The following MTUS2 variants were observed in gnomAD, a reference collection of about 807,000 sequenced individuals.
The protein encoded by MTUS2 is microtubule-associated tumor suppressor candidate 2.
A neutral mutation model predicts 114.1 loss-of-function variants in MTUS2; 40 were observed. That is an observed-to-expected ratio of 0.35 (90% confidence interval 0.27 to 0.46). The LOEUF is 0.46. Among genes scored for constraint, MTUS2 ranks in the 20% least tolerant of loss-of-function variants. The probability of loss-of-function intolerance (pLI) is 1.00; values close to 1 mark genes in which losing one functional copy is unlikely to be tolerated. For synonymous variants in MTUS2, 688 were observed against 672.0 expected, an observed-to-expected ratio of 1.02 and a Z score of -0.37; for missense variants, 1,679 against 1,705.4, an observed-to-expected ratio of 0.98 and a Z score of 0.27.
At chr13:29,306,431 T>A (rs980812934) in intron 6 of MTUS2, among the ~76,000 whole-genome samples, 18 of 152,160 alleles carry the variant, frequency 1.2e-4, no homozygotes, top group African/African-American at 4.1e-4. Flanking sequence ...ATAAGCCACT[T>A]CAGCAAAGTC....
chr13:28,921,660 A>C (rs1245336721), intron 2 of MTUS2, among the ~76,000 whole-genome samples: 1 of 152,124 alleles, frequency 6.6e-6, no homozygotes, highest in Non-Finnish European at 1.5e-5. Context: ...ACCTTAGAGC[A>C]TTTTGGCCTG....
At chr13:29,092,446 C>CTTGA (rs1432953850) in intron 4 of MTUS2, among the ~76,000 whole-genome samples, 1 of 152,214 alleles carries the variant, frequency 6.6e-6, no homozygotes, top group Non-Finnish European at 1.5e-5. Context: ...GTAGGGACCA[C>CTTGA]CCTCGCATCC....
chr13:29,019,466 C>T (rs1368258208), intron 2 of MTUS2, among the ~76,000 whole-genome samples: 4 of 152,062 alleles, frequency 2.6e-5, no homozygotes, highest in African/African-American at 4.8e-5. Flanking sequence ...CAGATATTTT[C>T]GATGAAAAAT....
intron 2 of MTUS2, among the ~76,000 whole-genome samples, chr13:29,022,085 GATCATGCAAAC>G (rs1459128226): frequency 1.3e-5 from 2 of 152,172 alleles, no homozygotes; most frequent in Non-Finnish European, 2.9e-5. Flanking sequence ...ATTTTCCCAT[GATCATGCAAAC>G]ATGGGGAAAG....
chr13:29,406,211 A>T (rs1025331796), intron 8 of MTUS2, among the ~76,000 whole-genome samples: 1 of 152,120 alleles, frequency 6.6e-6, no homozygotes, highest in African/African-American at 2.4e-5. Flanking sequence ...TTGTTGCATA[A>T]CAAATTACCC....
chr13:29,353,902 A>T (rs530419897), intron 7 of MTUS2, among the ~76,000 whole-genome samples: 255 of 152,266 alleles, frequency 1.7e-3, no homozygotes, highest in African/African-American at 5.8e-3. Context: ...CTCTCTCCAC[A>T]GGCAGGTATG....
chr13:29,336,769 T>C (rs1901085834), intron 7 of MTUS2, among the ~76,000 whole-genome samples: 1 of 152,132 alleles, frequency 6.6e-6, no homozygotes, highest in Non-Finnish European at 1.5e-5. Flanking sequence ...AGATGCTCTG[T>C]TTCAAGGAGA....
In MTUS2 at chr13:29,034,144, TCTGCCTTTTC is replaced by T; in HGVS notation, c.2446+24_2446+33del. The stretch of plus-strand genomic sequence containing the variant: ...CCTTCAGGTAACCGATCCAACAGTT[TCTGCCTTTTC>T]CTGCTGTACGTTTAGATAGTCATCA... On this transcript the variant is annotated intron_variant, in intron 4 of 15. Transcript: ENST00000612955. 1 of 1,613,328 alleles carries T rather than the reference TCTGCCTTTTC, an allele frequency of 6.2e-7. No individual in the cohort carries two copies. The highest frequency in any genetic ancestry group is 8.5e-7 in the Non-Finnish European group (1 of 1,179,290).
intron 8 of MTUS2, among the ~76,000 whole-genome samples, chr13:29,404,924 A>G (rs1874636464): frequency 1.3e-5 from 2 of 152,202 alleles, no homozygotes; most frequent in South Asian, 4.1e-4. Flanking sequence ...TGGGATCCTC[A>G]CATCACTGTA....
intron 5 of MTUS2, among the ~76,000 whole-genome samples, chr13:29,226,553 G>T (rs1197704730): frequency 4.6e-5 from 7 of 151,840 alleles, no homozygotes; most frequent in Non-Finnish European, 8.8e-5. Context: ...TTGTTGTTTT[G>T]ATATTTTAAA....
intron 9 of MTUS2, among the ~76,000 whole-genome samples, chr13:29,440,415 T>G (rs767716933): frequency 2.6e-5 from 4 of 152,204 alleles, no homozygotes; most frequent in Non-Finnish European, 4.4e-5. Flanking sequence ...CTGTCTACCC[T>G]GTCGTGAAAT....
chr13:29,154,809 AT>A (rs1367023888), intron 5 of MTUS2, among the ~76,000 whole-genome samples: 1 of 152,192 alleles, frequency 6.6e-6, no homozygotes, highest in Admixed American at 6.5e-5. Flanking sequence ...GTCCTGGTGG[AT>A]TTGCTTCACA....
At chr13:29,028,205 G>C (rs1182523094) in intron 3 of MTUS2, among the ~76,000 whole-genome samples, 2 of 152,156 alleles carry the variant, frequency 1.3e-5, no homozygotes, top group Non-Finnish European at 2.9e-5. Context: ...ACAAAAACTA[G>C]CTGGGTGTGG....
intron 5 of MTUS2, among the ~76,000 whole-genome samples, chr13:29,101,459 G>T (rs192446389): frequency 9.1e-4 from 139 of 152,342 alleles, no homozygotes; most frequent in African/African-American, 3.2e-3. Flanking sequence ...GCTTCTTCAA[G>T]TCCATGCCCA....
rs577916140 is a variant in MTUS2 at position 29,383,949 on chromosome 13, G to C, written c.3117+24476G>C. Among the ~76,000 whole-genome samples, 276 of 152,226 alleles carry C rather than the reference G, an allele frequency of 1.8e-3. 2 individuals are homozygous for C. The highest frequency in any genetic ancestry group is 6.0e-3 in the African/African-American group (249 of 41,548). ...AAACTTACTCAGCAAAACATATAAA[G>C]TAGTTCAGGGACAGCCACTTTGGGG... is the stretch of plus-strand genomic sequence containing the variant. On this transcript the variant is annotated intron_variant, in intron 8 of 15. Transcript: ENST00000612955.
intron 4 of MTUS2, among the ~76,000 whole-genome samples, chr13:29,050,294 T>A (rs527415225): frequency 6.6e-6 from 1 of 152,314 alleles, no homozygotes; most frequent in East Asian, 1.9e-4. Flanking sequence ...GTACAGAGAC[T>A]GGAACTCCCC....
chr13:29,214,615 A>AT (rs1217217094), intron 5 of MTUS2, among the ~76,000 whole-genome samples: 1 of 152,154 alleles, frequency 6.6e-6, no homozygotes, highest in Non-Finnish European at 1.5e-5. Flanking sequence ...TCCTTCACTT[A>AT]TGAAGCTTAG....
intron 2 of MTUS2, among the ~76,000 whole-genome samples, chr13:28,943,730 G>A (rs1028766304): frequency 1.3e-5 from 2 of 152,278 alleles, no homozygotes; most frequent in Admixed American, 6.5e-5. Flanking sequence ...CTCAGCTGGA[G>A]ATTGTAAGCA....
intron 2 of MTUS2, among the ~76,000 whole-genome samples, chr13:28,911,072 T>TC (rs1487223910): frequency 2.0e-5 from 3 of 151,492 alleles, no homozygotes. Context: ...AGACGGGGTT[T>TC]CACCGTGTTA....
Sources: gnomAD v4.1 joint callset for allele counts (sites outside exome capture counted in the v4.1 genomes callset) on GRCh38, gnomAD v4.1.1 for gene constraint, MANE v1.5 for transcripts, NCBI Gene and HGNC (gene_info 2026-07-23, HGNC 2026-07-21) for gene names.